The following LYPD5 variants were observed in gnomAD, a reference collection of about 807,000 sequenced individuals.
The protein encoded by LYPD5 is LY6/PLAUR domain containing 5.
A neutral mutation model predicts 19.1 loss-of-function variants in LYPD5; 21 were observed. The ratio of observed to expected loss-of-function variants is 1.10; its 90% CI spans 0.78 to 1.58. LYPD5 has a LOEUF of 1.58. Among genes scored for constraint, LYPD5 ranks in the 40% most tolerant of loss-of-function variants. The pLI is 0.00. For missense variants in LYPD5, 287 were observed against 329.8 expected, an observed-to-expected ratio of 0.87 and a Z score of 1.00; for synonymous variants, 128 against 142.7, an observed-to-expected ratio of 0.90 and a Z score of 0.74.
chr19:43,814,839 C>A (rs1476878009), intron 1 of LYPD5, among the ~76,000 whole-genome samples: 1 of 152,152 alleles, frequency 6.6e-6, no homozygotes, highest in Non-Finnish European at 1.5e-5. Flanking sequence ...GTGCCCAAAT[C>A]GCACTATGAC....
chr19:43,808,119 C>T (rs1970286723), intron 1 of LYPD5, among the ~76,000 whole-genome samples: 1 of 152,126 alleles, frequency 6.6e-6, no homozygotes, highest in African/African-American at 2.4e-5. Flanking sequence ...AAGTTAAATG[C>T]TCTTTTTTTT....
chr19:43,815,981 G>A (rs1425335559), intron 1 of LYPD5, among the ~76,000 whole-genome samples: 4 of 151,996 alleles, frequency 2.6e-5, no homozygotes, highest in Admixed American at 1.3e-4. Context: ...CGATTCACCC[G>A]CCTTGGCCTC....
chr19:43,798,900 C>T lies in LYPD5; in HGVS notation c.282G>A (p.Pro94=), dbSNP rs534504699. 4 of 1,602,684 alleles carry T rather than the reference C, an allele frequency of 2.5e-6. No individual in the cohort carries two copies. The South Asian group carries it at 4.5e-5, about 18-fold the overall frequency. The part of the protein sequence containing the change: ...GQTQSNADAL[P]PDYSVVRGCT... ...AGCCGCGCACCACCGAGTAGTCTGG[C>T]GGCAGCGCGTCCGCGTTCGATTGCG... The change falls in exon 3 of 5, where the codon CCG becomes CCA. Residue 94 remains proline, a synonymous_variant. Coordinates refer to ENST00000377950, the MANE Select transcript of LYPD5 (RefSeq NM_001031749.3).
intron 1 of LYPD5, among the ~76,000 whole-genome samples, chr19:43,817,166 T>C (rs1970381561): frequency 6.6e-6 from 1 of 152,186 alleles, no homozygotes; most frequent in African/African-American, 2.4e-5. Flanking sequence ...CTGGTTTGGC[T>C]GCAGCTGCAT....
chr19:43,798,761 G>A (rs750912106), intron 3 of LYPD5, 51 bp downstream of exon 3: 5 of 1,576,156 alleles, frequency 3.2e-6, no homozygotes, highest in Non-Finnish European at 4.3e-6. Flanking sequence ...CCCCGAGGCT[G>A]CCAGGCCTCT....
intron 1 of LYPD5, among the ~76,000 whole-genome samples, chr19:43,813,845 G>A (rs553819884): frequency 2.0e-5 from 3 of 152,196 alleles, no homozygotes; most frequent in Admixed American, 6.5e-5. Context: ...ACACCACCAA[G>A]CCCGGCTAAT....
chr19:43,805,844 T>A (rs1970266635), upstream of LYPD5, among the ~76,000 whole-genome samples: 1 of 152,184 alleles, frequency 6.6e-6, no homozygotes, highest in Non-Finnish European at 1.5e-5. Context: ...TCCTGCAGCA[T>A]CAATATCTCT....
intron 1 of LYPD5, among the ~76,000 whole-genome samples, chr19:43,810,346 TG>T (rs1356625629): frequency 1.3e-5 from 2 of 151,866 alleles, no homozygotes; most frequent in African/African-American, 4.8e-5. Flanking sequence ...TATAGTCGTG[TG>T]TTTTTTTTAG....
chr19:43,797,916 C>G, intron 4 of LYPD5, 87 bp from the exon 5 acceptor site: 1 of 1,050,978 alleles, frequency 9.5e-7, no homozygotes, highest in Non-Finnish European at 1.4e-6. Flanking sequence ...AGGGCCATGC[C>G]TCGGTCCTCA....
At chr19:43,803,850 CTTTT>C (rs1036003346), upstream of LYPD5, among the ~76,000 whole-genome samples, 3 of 151,876 alleles carry the variant, frequency 2.0e-5, no homozygotes, top group Admixed American at 2.0e-4. Flanking sequence ...CTCTCTTTTT[CTTTT>C]TGAGACGGCG....
upstream of LYPD5, among the ~76,000 whole-genome samples, chr19:43,803,676 G>A (rs961925046): frequency 1.3e-5 from 2 of 151,942 alleles, no homozygotes; most frequent in African/African-American, 2.4e-5. Flanking sequence ...GTCATCCCTC[G>A]GTATTGTTTT....
intron 1 of LYPD5, among the ~76,000 whole-genome samples, chr19:43,817,883 ATT>A (rs1017941471): frequency 9.2e-5 from 14 of 151,986 alleles, no homozygotes; most frequent in African/African-American, 3.4e-4. Context: ...CACGCAAGTA[ATT>A]TTTTTATTTT....
chr19:43,797,733 C>G lies in LYPD5; in HGVS notation c.614G>C (p.Gly205Ala). Residue 205 changes from glycine to alanine, a missense_variant, in exon 5 of 5, where the codon GGC becomes GCC. Gly to Ala is a moderately conservative substitution (Grantham distance 60, BLOSUM62 0). Transcript: ENST00000377950. ...GCAGAGGTACCCCTCACAGCAGGAG[C>G]CCTGGAGGTCGATGGCTGTCCAGGG... ...TSPWTAIDLQ[G>A]SCCEGYLCNR... 1 of 1,613,660 alleles carries G rather than the reference C, an allele frequency of 6.2e-7. No homozygotes were observed. The highest frequency in any genetic ancestry group is 8.5e-7 in the Non-Finnish European group (1 of 1,179,870).
intron 1 of LYPD5, among the ~76,000 whole-genome samples, chr19:43,818,880 T>A (rs1186430404): frequency 2.6e-5 from 4 of 152,272 alleles, no homozygotes; most frequent in Admixed American, 6.5e-5. Context: ...GTATCATTAA[T>A]GACTAATTGT....
At chr19:43,816,701 C>T (rs189932346) in intron 1 of LYPD5, among the ~76,000 whole-genome samples, 22 of 152,292 alleles carry the variant, frequency 1.4e-4, no homozygotes, top group African/African-American at 4.8e-4. Flanking sequence ...ATAAGTGATA[C>T]GGTTTGGCTG....
chr19:43,814,177 A>T (rs2146507189), intron 1 of LYPD5, among the ~76,000 whole-genome samples: 1 of 152,256 alleles, frequency 6.6e-6, no homozygotes, highest in East Asian at 1.9e-4. Flanking sequence ...ATATCTGCAC[A>T]TTGGGCCACA....
Position 43,796,981 on chromosome 19 carries a change from C to T in LYPD5, c.*610G>A, listed in dbSNP as rs1399703784. On this transcript the variant is annotated 3_prime_UTR_variant, in exon 5 of 5. Coordinates refer to ENST00000377950, the MANE Select transcript of LYPD5 (RefSeq NM_001031749.3). The stretch of plus-strand genomic sequence containing the variant: ...CTGAATGGTGGAGCTGGGATTTGAA[C>T]CCATGCAGCTTAGCTCCAGAGCCTG... 2 of 152,242 alleles carry T rather than the reference C, an allele frequency of 1.3e-5. No individual in the cohort carries two copies. The highest frequency in any genetic ancestry group is 4.1e-4 in the South Asian group (2 of 4,830). The allele number at this position is 152,242 out of a possible 1,614,324, so 9.4% of individuals were successfully genotyped here.
At chr19:43,809,599 T>A (rs1488160331) in intron 1 of LYPD5, among the ~76,000 whole-genome samples, 2 of 152,086 alleles carry the variant, frequency 1.3e-5, no homozygotes, top group Non-Finnish European at 2.9e-5. Flanking sequence ...ACCATGTTGG[T>A]CACTCTGGTT....
At chr19:43,806,052 T>C (rs1970268039), upstream of LYPD5, among the ~76,000 whole-genome samples, 1 of 152,148 alleles carries the variant, frequency 6.6e-6, no homozygotes, top group African/African-American at 2.4e-5. Flanking sequence ...TGAATTTGAC[T>C]ACTCTAGATC....
Sources: gnomAD v4.1 joint callset for allele counts (sites outside exome capture counted in the v4.1 genomes callset) on GRCh38, gnomAD v4.1.1 for gene constraint, MANE v1.5 for transcripts, NCBI Gene and HGNC (gene_info 2026-07-23, HGNC 2026-07-21) for gene names.